The following GABRD variants were observed in gnomAD, a reference collection of about 807,000 sequenced individuals.
GABRD encodes gamma-aminobutyric acid type A receptor subunit delta, also known as gamma-aminobutyric acid receptor subunit delta.
A neutral mutation model predicts 47.3 loss-of-function variants in GABRD; 25 were observed. That is an observed-to-expected ratio of 0.53 (90% CI 0.39 to 0.74). The LOEUF (loss-of-function observed/expected upper bound fraction) is 0.74, where lower values mean the gene tolerates loss of function less well. Among genes scored for constraint, GABRD ranks in the 30% least tolerant of loss-of-function variants. The probability of loss-of-function intolerance (pLI) is 0.00; values close to 1 mark genes in which losing one functional copy is unlikely to be tolerated. For missense variants in GABRD, 497 were observed against 643.4 expected (o/e 0.77, Z 2.46); for synonymous variants, 314 against 278.8 (o/e 1.13, Z -1.26).
In GABRD at chr1:2,025,255, T is replaced by C. The variant is rs548454246; in HGVS notation, c.182-79T>C. 20 of 1,548,012 alleles carry C rather than the reference T, an allele frequency of 1.3e-5. No homozygotes were observed. The Admixed American group carries it at 1.7e-4, about 13-fold the overall frequency. ...GCCATGATGGCCGACTGCCTGTGAC[T>C]GGGACCCCGGCAGGGTCCCATCGTG... On this transcript the variant is annotated intron_variant, in intron 2 of 8. Coordinates refer to ENST00000378585, the MANE Select transcript of GABRD (RefSeq NM_000815.5).
chr1:2,028,867 T>G lies in GABRD; in HGVS notation c.692-244T>G, dbSNP rs1659004742. On this transcript the variant is annotated intron_variant, in intron 6 of 8. Transcript: ENST00000378585. The surrounding 1 kb of genome is among the most constrained non-coding windows in gnomAD (Gnocchi z 6.4). ...AGTCCAGCAAACATGAGGCCAGCAG[T>G]AACCTCAGCCTCTCTCCCTCTCCTC... The G allele has an allele frequency of 1.7e-6, 1 of 572,292 alleles. No individual in the cohort carries two copies. The highest frequency in any genetic ancestry group is 3.1e-6 in the Non-Finnish European group (1 of 325,540). 35.5% of individuals were successfully genotyped at this position (572,292 alleles called of 1,614,324 possible).
intron 1 of GABRD, chr1:2,023,815 C>A (rs764601632): frequency 6.6e-6 from 1 of 152,264 alleles, no homozygotes; most frequent in Admixed American, 6.5e-5. Flanking sequence ...GTATGACAAT[C>A]ACCACAAACT....
chr1:2,030,234 G>A lies in GABRD; in HGVS notation c.1311G>A (p.Ala437=). 5 of 1,564,456 alleles carry A rather than the reference G, an allele frequency of 3.2e-6. No individual in the cohort carries two copies. The highest frequency in any genetic ancestry group is 2.3e-5 in the South Asian group (2 of 85,708). The stretch of plus-strand genomic sequence containing the variant: ...TTTACGCCCGCGCTGTGTTCCCTGC[G>A]GCGTTTGCGGCCGTCAATGTCATCT... ...IDIYARAVFP[A]AFAAVNVIYW... is the part of the protein sequence containing the mutation. The change falls in exon 9 of 9, where the codon GCG becomes GCA. Residue 437 remains alanine, a synonymous_variant. Transcript: ENST00000378585.
At chr1:2,021,258 A>ACACATGTG (rs1352535905) in intron 1 of GABRD, among the ~76,000 whole-genome samples, 1 of 152,168 alleles carries the variant, frequency 6.6e-6, no homozygotes, top group East Asian at 1.9e-4. Flanking sequence ...TCCTGTCCAC[A>ACACATGTG]CACATGTGCT....
Position 2,029,559 on chromosome 1 carries a change from A to G in GABRD, c.856A>G (p.Thr286Ala). The change falls in exon 8 of 9, where the codon ACG becomes GCG. Residue 286 changes from threonine (T) to alanine (A), a missense_variant. Thr to Ala is a moderately conservative substitution (Grantham distance 58). This residue lies in a region of GABRD where 285 missense variants were observed against 436.6 expected (regional missense o/e 0.65). Transcript: ENST00000378585. Reference protein sequence around the residue: ...VPARVSLGITTVLTMTTLMVS... With the variant: ...VPARVSLGITAVLTMTTLMVS... Reference sequence around the variant, plus strand: ...CCACCTGTGCCCGGCAGGCATCACCACGGTGCTGACGATGACCACGCTCAT... The same window carrying G: ...CCACCTGTGCCCGGCAGGCATCACCGCGGTGCTGACGATGACCACGCTCAT... 2 of 1,612,748 alleles carry G rather than the reference A, an allele frequency of 1.2e-6. No individual in the cohort carries two copies. Among genetic ancestry groups the G allele is most frequent in the Non-Finnish European group, 1.7e-6 (2 of 1,179,954 alleles).
rs75511732 is a variant in GABRD at position 2,029,997 on chromosome 1, C to T, written c.1074C>T (p.Asn358=). The change falls in exon 9 of 9, where the codon AAC becomes AAT. Residue 358 remains asparagine, a synonymous_variant. Coordinates refer to ENST00000378585, the MANE Select transcript of GABRD (RefSeq NM_000815.5). ...CCTTCGTGCAGATGGACGTGAGGAA[C>T]GCCATTGTCCTCTTCTCCCTCTCTG... ...SRPRAEMDVR[N]AIVLFSLSAA... The T allele has an allele frequency of 3.3e-5, 53 of 1,612,608 alleles. No homozygotes were observed. The highest frequency in any genetic ancestry group is 6.6e-5 in the South Asian group (6 of 91,066).
chr1:2,025,077 C>G, intron 2 of GABRD, 23 bp downstream of exon 2: 1 of 1,581,750 alleles, frequency 6.3e-7, no homozygotes, highest in Non-Finnish European at 8.7e-7. Context: ...CCAGGCCCGG[C>G]AGGCAGGAGC....
intron 4 of GABRD, 63 bp from the exon 5 acceptor site, chr1:2,027,514 T>C (rs1658958206): frequency 1.5e-6 from 2 of 1,375,630 alleles, no homozygotes; most frequent in Non-Finnish European, 2.0e-6. Flanking sequence ...GCAGGGGAAC[T>C]GCCAGGCTTT....
chr1:2,026,779 G>A (rs1416463510), intron 4 of GABRD: 1 of 151,480 alleles, frequency 6.6e-6, no homozygotes, highest in Non-Finnish European at 1.5e-5. Flanking sequence ...AGCTTGCAGT[G>A]AGCCGAGATT....
In GABRD at chr1:2,028,249, C is replaced by A; in HGVS notation, c.648C>A (p.Ile216=). 1.9e-6 allele frequency: 3 copies of A among 1,612,284 alleles called. No homozygotes were observed. Among genetic ancestry groups the A allele is most frequent in the Non-Finnish European group, 2.5e-6 (3 of 1,179,730 alleles). ...LDKLQLAQFT[I]TSYRFTTELM... ...AGCTGCAGCTGGCGCAGTTCACCATCACCAGCTACCGCTTCACCACGGAGC... is the reference window on the plus strand; with the variant it reads ...AGCTGCAGCTGGCGCAGTTCACCATAACCAGCTACCGCTTCACCACGGAGC... Residue 216 remains isoleucine, a synonymous_variant, in exon 6 of 9, where the codon ATC becomes ATA. Transcript: ENST00000378585. The surrounding 1 kb of genome is among the most constrained non-coding windows in gnomAD (Gnocchi z 6.4).
In GABRD at chr1:2,030,116, CAG is replaced by C. The variant is rs1351197180; in HGVS notation, c.1194_1195del (p.Glu400AspfsTer28). 19 of 1,584,538 alleles carry C rather than the reference CAG, an allele frequency of 1.2e-5. No individual in the cohort carries two copies. Among genetic ancestry groups the C allele is most frequent in the Admixed American group, 3.6e-5 (2 of 56,174 alleles). On this transcript the variant is annotated frameshift_variant, in exon 9 of 9. Coordinates refer to ENST00000378585, the MANE Select transcript of GABRD (RefSeq NM_000815.5). LOFTEE classifies it high-confidence loss of function. ...TCCTACAGGTCGGTGGGGGTGGAGA[CAG>C]GGGAGACGAAGAAGGAGGGGGCAGC...
At chr1:2,025,878 C>T (rs1020984508) in intron 4 of GABRD, 140 bp downstream of exon 4, 10 of 680,344 alleles carry the variant, frequency 1.5e-5, no homozygotes, top group Non-Finnish European at 2.5e-5. Context: ...GGGGCAGAAG[C>T]TGCGCGGTTA....
Position 2,029,570 on chromosome 1 carries a change from G to T in GABRD, c.867G>T (p.Thr289=). Residue 289 remains threonine, a synonymous_variant, in exon 8 of 9, where the codon ACG becomes ACT. Transcript: ENST00000378585. ...CGGCAGGCATCACCACGGTGCTGACGATGACCACGCTCATGGTCAGTGCCC... is the reference window on the plus strand; with the variant it reads ...CGGCAGGCATCACCACGGTGCTGACTATGACCACGCTCATGGTCAGTGCCC... ...RVSLGITTVL[T]MTTLMVSARS... 4 of 1,612,872 alleles carry T rather than the reference G, an allele frequency of 2.5e-6. No homozygotes were observed. The highest frequency in any genetic ancestry group is 3.4e-6 in the Non-Finnish European group (4 of 1,179,954).
At chr1:2,021,988 A>G (rs1658792181) in intron 1 of GABRD, among the ~76,000 whole-genome samples, 2 of 152,028 alleles carry the variant, frequency 1.3e-5, no homozygotes, top group Non-Finnish European at 2.9e-5. Context: ...CCCGAGGGGG[A>G]AGCTGCCATG....
In GABRD at chr1:2,029,969, C is replaced by A. The variant is rs28431879; in HGVS notation, c.1060-14C>A. ...CAGTGCTCAGCCCTGTCTCCCCCAC[C>A]GGCCTTCGTGCAGATGGACGTGAGG... On this transcript the variant is annotated splice_polypyrimidine_tract_variant and intron_variant, in intron 8 of 8. Coordinates refer to ENST00000378585, the MANE Select transcript of GABRD (RefSeq NM_000815.5). The A allele has an allele frequency of 5.0e-6, 8 of 1,611,552 alleles. No individual in the cohort carries two copies. In the Admixed American group the frequency reaches 6.7e-5, roughly 13 times the overall value.
chr1:2,030,170 G>A lies in GABRD; in HGVS notation c.1247G>A (p.Arg416His), dbSNP rs1011029441. 14 of 1,574,768 alleles carry A rather than the reference G, an allele frequency of 8.9e-6. No homozygotes were observed. The highest frequency in any genetic ancestry group is 2.3e-5 in the East Asian group (1 of 44,404). ...CGCTCAGGAGGCCAGGGGGGCATCC[G>A]TGCCCGGCTCAGGCCCATCGACGCA... is the stretch of plus-strand genomic sequence containing the variant. The part of the protein sequence containing the change: ...AARSGGQGGI[R>H]ARLRPIDADT... The change falls in exon 9 of 9, where the codon CGT (arginine) becomes CAT (histidine). Residue 416 changes from arginine to histidine, a missense_variant. Around this residue, in one of 3 missense-constraint regions of GABRD, gnomAD observed 121 missense variants for 121.3 expected, o/e 1.00. Transcript: ENST00000378585.
rs773911493 is a variant in GABRD, at chr1:2,024,969, G to C, written c.96G>C (p.Val32=). 144 of 1,612,754 alleles carry C rather than the reference G, an allele frequency of 8.9e-5. No individual in the cohort carries two copies. Among genetic ancestry groups the C allele is most frequent in the Non-Finnish European group, 1.2e-4 (138 of 1,179,788 alleles). ...TRAMNDIGDY[V]GSNLEISWLP... ...CGATGAATGACATCGGCGACTACGT[G>C]GGCTCCAACCTGGAGATCTCCTGGC... Residue 32 remains valine (V), a synonymous_variant, in exon 2 of 9, where the codon GTG becomes GTC. Transcript: ENST00000378585.
At chr1:2,020,937 C>T (rs1215847430) in intron 1 of GABRD, among the ~76,000 whole-genome samples, 1 of 152,270 alleles carries the variant, frequency 6.6e-6, no homozygotes, top group Non-Finnish European at 1.5e-5. Context: ...CCCCCAGCCA[C>T]AGCCTCTGTG....
rs1234013595 is a variant in GABRD, at chr1:2,028,647, A to G, written c.691+355A>G. Among the ~76,000 whole-genome samples the G allele has an allele frequency of 6.6e-6, 1 of 152,182 alleles. No homozygotes were observed. The highest frequency in any genetic ancestry group is 6.5e-5 in the Admixed American group (1 of 15,286). ...GGAGCTCTCTTAGCCCCAGGTCTGC[A>G]GGGCTCAGGAGCCAAGCTTTCCTTG... On this transcript the variant is annotated intron_variant, in intron 6 of 8. Transcript: ENST00000378585. The surrounding 1 kb of genome is among the most constrained non-coding windows in gnomAD (Gnocchi z 6.4).
Sources: allele counts gnomAD v4.1 joint callset (sites outside exome capture counted in the v4.1 genomes callset), GRCh38; gene constraint gnomAD v4.1.1; regional missense constraint gnomAD v4.1.1; non-coding constraint Gnocchi (gnomAD v3.1); transcripts MANE v1.5; gene names NCBI Gene and HGNC (gene_info 2026-07-23, HGNC 2026-07-21).